SHISA9: variants seen among roughly 807,000 people sequenced by gnomAD.
The protein encoded by SHISA9 is protein shisa-9.
Under a neutral mutation model 38.0 loss-of-function variants are expected in SHISA9, and 13 were observed. The ratio of observed to expected loss-of-function variants is 0.34; its 90% CI spans 0.22 to 0.54. The LOEUF (loss-of-function observed/expected upper bound fraction) is 0.54, where lower values mean the gene tolerates loss of function less well. Ranked by LOEUF, SHISA9 falls within the 20% of genes least tolerant of loss-of-function variation. SHISA9 has a pLI of 0.91. For synonymous variants in SHISA9, 275 were observed against 242.0 expected (o/e 1.14, Z -1.27); for missense variants, 538 against 575.8 (o/e 0.93, Z 0.67).
chr16:13,031,096 G>A (rs1194488771), intron 2 of SHISA9, among the ~76,000 whole-genome samples: 2 of 152,140 alleles, frequency 1.3e-5, no homozygotes, highest in African/African-American at 4.8e-5. Flanking sequence ...GTAAACAATG[G>A]CCAAACCAGG....
At chr16:13,040,228 T>C (rs1286161096) in intron 2 of SHISA9, among the ~76,000 whole-genome samples, 1 of 152,220 alleles carries the variant, frequency 6.6e-6, no homozygotes, top group Non-Finnish European at 1.5e-5. Flanking sequence ...TGATCTGATC[T>C]CTGCTTCTTG....
the SHISA9 span, among the ~76,000 whole-genome samples, chr16:13,378,924 T>A: frequency 6.6e-6 from 1 of 152,250 alleles, no homozygotes; most frequent in African/African-American, 2.4e-5. Context: ...TCTGATTAAC[T>A]CTTTGTGTGT....
chr16:12,938,892 A>C (rs2071570707), intron 2 of SHISA9, among the ~76,000 whole-genome samples: 1 of 152,162 alleles, frequency 6.6e-6, no homozygotes, highest in Admixed American at 6.5e-5. Context: ...AACTAGATTG[A>C]AAACACATTG....
chr16:13,113,541 C>T (rs1449094172), intron 2 of SHISA9, among the ~76,000 whole-genome samples: 1 of 152,214 alleles, frequency 6.6e-6, no homozygotes, highest in Non-Finnish European at 1.5e-5. Flanking sequence ...CAGGACTTGG[C>T]ACTAATCGGA....
At chr16:12,971,624 G>T (rs1166016450) in intron 2 of SHISA9, among the ~76,000 whole-genome samples, 1 of 152,156 alleles carries the variant, frequency 6.6e-6, no homozygotes, top group Non-Finnish European at 1.5e-5. Flanking sequence ...ATGCTGTTGT[G>T]TGGATCATCT....
chr16:13,002,684 C>G (rs1043020296), intron 2 of SHISA9, among the ~76,000 whole-genome samples: 1 of 151,850 alleles, frequency 6.6e-6, no homozygotes, highest in Non-Finnish European at 1.5e-5. Flanking sequence ...AGATGCGCAC[C>G]ACCGCACTGG....
At chr16:13,139,638 C>A (rs189884286) in intron 2 of SHISA9, among the ~76,000 whole-genome samples, 3 of 151,956 alleles carry the variant, frequency 2.0e-5, no homozygotes, top group Admixed American at 6.6e-5. Context: ...CACGAGTCTC[C>A]TCCGCATTCC....
chr16:12,959,016 G>A (rs1474712912), intron 2 of SHISA9, among the ~76,000 whole-genome samples: 1 of 152,192 alleles, frequency 6.6e-6, no homozygotes, highest in Non-Finnish European at 1.5e-5. Context: ...TGTCAGAAAG[G>A]AAGCCTTGGG....
chr16:13,543,799 C>A, the SHISA9 span, among the ~76,000 whole-genome samples: 1 of 152,150 alleles, frequency 6.6e-6, no homozygotes, highest in Non-Finnish European at 1.5e-5. Context: ...ACCCTTCCTT[C>A]CCAAAGGCAT....
the SHISA9 span, among the ~76,000 whole-genome samples, chr16:13,312,736 G>C: frequency 6.6e-6 from 1 of 152,010 alleles, no homozygotes; most frequent in East Asian, 1.9e-4. Context: ...TCATAATATG[G>C]AATATTATGC....
intron 2 of SHISA9, among the ~76,000 whole-genome samples, chr16:13,106,751 T>C (rs183861575): frequency 1.3e-5 from 2 of 151,710 alleles, no homozygotes; most frequent in East Asian, 1.9e-4. Flanking sequence ...AAAAAATCAG[T>C]AAGTGGCAAA....
chr16:13,330,368 A>C, the SHISA9 span, among the ~76,000 whole-genome samples: 2 of 152,338 alleles, frequency 1.3e-5, no homozygotes, highest in Admixed American at 6.5e-5. Context: ...CTTGTTAACT[A>C]TAACAAGATA....
In SHISA9 at chr16:12,943,808, A is replaced by G. The variant is rs544601717; in HGVS notation, c.691+26993A>G. On this transcript the variant is annotated intron_variant, in intron 2 of 4. Coordinates refer to ENST00000558583, the MANE Select transcript of SHISA9 (RefSeq NM_001145204.3). ...GAGGGGCTCATCTAATATAGATCCT[A>G]TTTTACAGATTAATAACAAAAGCTA... Among the ~76,000 whole-genome samples the G allele has an allele frequency of 1.5e-4, 23 of 152,270 alleles. No homozygotes were observed. The South Asian group carries it at 4.6e-3, about 30-fold the overall frequency.
At chr16:13,397,743 T>A in the SHISA9 span, among the ~76,000 whole-genome samples, 1 of 152,150 alleles carries the variant, frequency 6.6e-6, no homozygotes, top group African/African-American at 2.4e-5. Context: ...CACAGTGTGC[T>A]CTTCTAGTTT....
the SHISA9 span, among the ~76,000 whole-genome samples, chr16:13,425,133 T>C: frequency 6.6e-6 from 1 of 152,234 alleles, no homozygotes; most frequent in East Asian, 1.9e-4. Flanking sequence ...TTCCCGCTTA[T>C]AGGTGGGAGC....
At chr16:13,120,872 T>G (rs1400388722) in intron 2 of SHISA9, among the ~76,000 whole-genome samples, 1 of 152,086 alleles carries the variant, frequency 6.6e-6, no homozygotes, top group Non-Finnish European at 1.5e-5. Flanking sequence ...CACAGCCCAT[T>G]TTACAGGTGG....
chr16:13,114,106 T>C (rs2074006205), intron 2 of SHISA9, among the ~76,000 whole-genome samples: 1 of 152,154 alleles, frequency 6.6e-6, no homozygotes, highest in South Asian at 2.1e-4. Flanking sequence ...CTCACAATAT[T>C]GAAGGCTCCC....
At chr16:13,511,112 T>A in the SHISA9 span, among the ~76,000 whole-genome samples, 1 of 152,196 alleles carries the variant, frequency 6.6e-6, no homozygotes, top group Non-Finnish European at 1.5e-5. Flanking sequence ...AAATCAAGAG[T>A]AACTACTAAT....
intron 2 of SHISA9, among the ~76,000 whole-genome samples, chr16:12,949,601 T>C (rs1326142774): frequency 6.6e-6 from 1 of 152,170 alleles, no homozygotes. Context: ...GTTGAAAAAA[T>C]AGATGTCAAC....
Sources: allele counts gnomAD v4.1 joint callset (sites outside exome capture counted in the v4.1 genomes callset), GRCh38; gene constraint gnomAD v4.1.1; transcripts MANE v1.5; gene names NCBI Gene and HGNC (gene_info 2026-07-23, HGNC 2026-07-21).